CCN3: variants seen among roughly 807,000 people sequenced by gnomAD.
CCN3 encodes CCN family member 3.
A neutral mutation model predicts 33.4 loss-of-function variants in CCN3; 20 were observed. The ratio of observed to expected loss-of-function variants is 0.60; its 90% CI spans 0.42 to 0.87. CCN3 has a LOEUF of 0.87. CCN3 is among the 40% of genes least tolerant of loss of function. The pLI, the probability that CCN3 is intolerant of heterozygous loss-of-function variation, is 0.00. For synonymous variants in CCN3, 205 were observed against 170.4 expected (o/e 1.20, Z -1.58); for missense variants, 465 against 455.3 (o/e 1.02, Z -0.19).
rs112684037 is a variant in CCN3 at position 119,421,683 on chromosome 8, A to G, written c.778-1153A>G. Among the ~76,000 whole-genome samples the G allele has an allele frequency of 5.1e-4, 78 of 152,344 alleles. No individual in the cohort carries two copies. The Middle Eastern group carries it at 0.014, about 27-fold the overall frequency. ...TCATTACTAATACAATCTTGAAAAC[A>G]TTCTCCACTTTATTTGCCTCCATGC... On this transcript the variant is annotated intron_variant, in intron 4 of 4. Coordinates refer to ENST00000259526, the MANE Select transcript of CCN3 (RefSeq NM_002514.4).
chr8:119,417,918 G>A (rs1820074009), intron 2 of CCN3, 140 bp from the exon 3 acceptor site: 5 of 811,300 alleles, frequency 6.2e-6, no homozygotes, highest in South Asian at 1.7e-5. Context: ...GTAGATACAT[G>A]AGAAACCAGA....
chr8:119,418,069 G>C lies in CCN3; in HGVS notation c.322G>C (p.Asp108His). 1 of 1,613,296 alleles carries C rather than the reference G, an allele frequency of 6.2e-7. No homozygotes were observed. The highest frequency in any genetic ancestry group is 8.5e-7 in the Non-Finnish European group (1 of 1,179,240). ...QTGICTAVEG[D>H]NCVFDGVIYR... ...CCCCAATATTCTAGCGGTAGAGGGA[G>C]ATAACTGTGTGTTCGATGGGGTCAT... is the stretch of plus-strand genomic sequence containing the variant. Residue 108 changes from aspartate (D) to histidine (H), a missense_variant, in exon 3 of 5, where the codon GAT becomes CAT. Transcript: ENST00000259526.
At position 119,419,271 on chromosome 8, in the gene CCN3, T is replaced by A. The variant is rs778614892; in HGVS notation, c.703T>A (p.Cys235Ser). 2 of 1,614,080 alleles carry A rather than the reference T, an allele frequency of 1.2e-6. No homozygotes were observed. The highest frequency in any genetic ancestry group is 1.1e-5 in the South Asian group (1 of 91,090). The change falls in exon 4 of 5, where the codon TGT becomes AGT. Residue 235 changes from cysteine (C) to serine (S), a missense_variant. Coordinates refer to ENST00000259526, the MANE Select transcript of CCN3 (RefSeq NM_002514.4). ...CCGGGTCACCAATAGGAACCGTCAA[T>A]GTGAGATGCTGAAACAGACTCGGCT... ...STRVTNRNRQ[C>S]EMLKQTRLCM...
intron 4 of CCN3, among the ~76,000 whole-genome samples, chr8:119,421,541 T>C (rs998960636): frequency 2.6e-5 from 4 of 152,344 alleles, no homozygotes; most frequent in Middle Eastern, 3.4e-3. Flanking sequence ...CTGTGGGTCA[T>C]GCCTATGAAG....
chr8:119,416,488 C>T lies in CCN3; in HGVS notation c.-45C>T. The T allele has an allele frequency of 6.3e-7, 1 of 1,584,202 alleles. No homozygotes were observed. Among genetic ancestry groups the T allele is most frequent in the African/African-American group, 1.3e-5 (1 of 74,488 alleles). ...GAAGGCGAGCAGTGCCAATCTACAG[C>T]GAAGAAAGTCTCGTTTGGTAAAAGC... On this transcript the variant is annotated 5_prime_UTR_variant, in exon 1 of 5. Transcript: ENST00000259526.
In CCN3 at chr8:119,416,485, C is replaced by G. The variant is rs1820047403; in HGVS notation, c.-48C>G. ...GGGGAAGGCGAGCAGTGCCAATCTA[C>G]AGCGAAGAAAGTCTCGTTTGGTAAA... On this transcript the variant is annotated 5_prime_UTR_variant, in exon 1 of 5. Transcript: ENST00000259526. 1 of 1,579,030 alleles carries G rather than the reference C, an allele frequency of 6.3e-7. No homozygotes were observed.
chr8:119,416,620 A>T lies in CCN3; in HGVS notation c.84+4A>T. 4 of 1,613,308 alleles carry T rather than the reference A, an allele frequency of 2.5e-6. No individual in the cohort carries two copies. The highest frequency in any genetic ancestry group is 3.4e-6 in the Non-Finnish European group (4 of 1,179,676). ...GCTTCTCCATCTCCTGGGACAGGTA[A>T]GTGGCACACCCTTAAGATGCCCCCA... is the stretch of plus-strand genomic sequence containing the variant. On this transcript the variant is annotated splice_donor_region_variant and intron_variant, in intron 1 of 4. Coordinates refer to ENST00000259526, the MANE Select transcript of CCN3 (RefSeq NM_002514.4).
At chr8:119,420,437 T>C (rs1471961564) in intron 4 of CCN3, among the ~76,000 whole-genome samples, 1 of 152,122 alleles carries the variant, frequency 6.6e-6, no homozygotes, top group Non-Finnish European at 1.5e-5. Context: ...AAAATAAGAG[T>C]CCCTAGTGGT....
At chr8:119,417,606 C>T (rs1820069169) in intron 2 of CCN3, among the ~76,000 whole-genome samples, 1 of 152,290 alleles carries the variant, frequency 6.6e-6, no homozygotes, top group Non-Finnish European at 1.5e-5. Context: ...CTCTAAGCTA[C>T]TGATGATTTT....
In CCN3 at chr8:119,424,227, A is replaced by C. The variant is rs551499094; in HGVS notation, c.*1095A>C. Reference sequence around the variant, plus strand: ...CAAAATTAAATCTAGACATTCTTTTAATGCCACCACACGTGTTCCGCTTCT... The same window carrying C: ...CAAAATTAAATCTAGACATTCTTTTCATGCCACCACACGTGTTCCGCTTCT... On this transcript the variant is annotated 3_prime_UTR_variant, in exon 5 of 5. Coordinates refer to ENST00000259526, the MANE Select transcript of CCN3 (RefSeq NM_002514.4). The C allele has an allele frequency of 6.6e-6, 1 of 152,290 alleles. No homozygotes were observed. Among genetic ancestry groups the C allele is most frequent in the South Asian group, 2.1e-4 (1 of 4,830 alleles). The allele number at this position is 152,290 out of a possible 1,614,324, so 9.4% of individuals were successfully genotyped here. A position where few individuals can be genotyped will look rare whatever the true frequency, so the allele number is the denominator to read the frequency against.
chr8:119,416,596 C>T lies in CCN3; in HGVS notation c.64C>T (p.Leu22Phe), dbSNP rs1405435755. The change falls in exon 1 of 5, where the codon CTT becomes TTT. Residue 22 changes from leucine (L) to phenylalanine (F), a missense_variant. Leu to Phe is a conservative substitution (Grantham distance 22). Transcript: ENST00000259526. ...RKQCLCLTFLLLHLLGQVAAT... is the reference protein window; with the variant it reads ...RKQCLCLTFLFLHLLGQVAAT... ...GCAGTGCCTTTGCCTGACCTTCCTG[C>T]TTCTCCATCTCCTGGGACAGGTAAG... 4 of 1,613,750 alleles carry T rather than the reference C, an allele frequency of 2.5e-6. No individual in the cohort carries two copies. The highest frequency in any genetic ancestry group is 3.3e-5 in the Admixed American group (2 of 59,978).
rs1251932689 is a variant in CCN3 at position 119,422,816 on chromosome 8, A to C, written c.778-20A>C. 6.3e-7 allele frequency: 1 copy of C among 1,582,038 alleles called. No individual in the cohort carries two copies. The highest frequency in any genetic ancestry group is 8.6e-7 in the Non-Finnish European group (1 of 1,162,602). The stretch of plus-strand genomic sequence containing the variant: ...GGGAATGGTAGCCATTCAATACATC[A>C]CTTCTTTTTTCTTTCTTAGAAAGGA... On this transcript the variant is annotated intron_variant, in intron 4 of 4. Transcript: ENST00000259526.
rs762152561 is a variant in CCN3, at chr8:119,422,842, A to G, written c.784A>G (p.Lys262Glu). The G allele has an allele frequency of 1.9e-6, 3 of 1,598,230 alleles. No homozygotes were observed. The African/African-American group carries it at 4.1e-5, about 22-fold the overall frequency. Reference sequence around the variant, plus strand: ...CTTCTTTTTTCTTTCTTAGAAAGGAAAAAAGTGTCTCCGCACCAAGAAGTC... The same window carrying G: ...CTTCTTTTTTCTTTCTTAGAAAGGAGAAAAGTGTCTCCGCACCAAGAAGTC... ...EPEQPTDKKGKKCLRTKKSLK... is the reference protein window; with the variant it reads ...EPEQPTDKKGEKCLRTKKSLK... Residue 262 changes from lysine to glutamate, a missense_variant, in exon 5 of 5, where the codon AAA becomes GAA. Coordinates refer to ENST00000259526, the MANE Select transcript of CCN3 (RefSeq NM_002514.4).
intron 3 of CCN3, 114 bp downstream of exon 3, chr8:119,418,423 A>G (rs568560841): frequency 7.2e-7 from 1 of 1,382,744 alleles, no homozygotes; most frequent in Admixed American, 2.2e-5. Flanking sequence ...CTGGTCATTC[A>G]GTTGTGGGTT....
chr8:119,416,785 G>A lies in CCN3; in HGVS notation c.126G>A (p.Arg42=). 2 of 1,598,636 alleles carry A rather than the reference G, an allele frequency of 1.3e-6. No individual in the cohort carries two copies. Among genetic ancestry groups the A allele is most frequent in the Non-Finnish European group, 1.7e-6 (2 of 1,172,820 alleles). ...GCTGCCCTCCCCAGTGCCCGGGCCG[G>A]TGCCCTGCGACGCCGCCGACCTGCG... ...TQRCPPQCPG[R]CPATPPTCAP... is the part of the protein sequence containing the mutation. Residue 42 remains arginine (R), a synonymous_variant, in exon 2 of 5, where the codon CGG becomes CGA. Coordinates refer to ENST00000259526, the MANE Select transcript of CCN3 (RefSeq NM_002514.4).
At position 119,422,918 on chromosome 8, in the gene CCN3, A is replaced by G. The variant is rs1820145980; in HGVS notation, c.860A>G (p.Tyr287Cys). The change falls in exon 5 of 5, where the codon TAC (tyrosine) becomes TGC (cysteine). Residue 287 changes from tyrosine to cysteine, a missense_variant. By Grantham distance (194) the Tyr-to-Cys change is radical. Transcript: ENST00000259526. ...AAGAACTGCACCAGCCTGCACACCT[A>G]CAAGCCCAGGTTCTGTGGGGTCTGC... Reference protein sequence around the residue: ...QFKNCTSLHTYKPRFCGVCSD... With the variant: ...QFKNCTSLHTCKPRFCGVCSD... The G allele has an allele frequency of 1.2e-6, 2 of 1,614,052 alleles. No individual in the cohort carries two copies. The highest frequency in any genetic ancestry group is 1.7e-6 in the Non-Finnish European group (2 of 1,180,004).
At chr8:119,421,123 A>G (rs914646698) in intron 4 of CCN3, among the ~76,000 whole-genome samples, 3 of 144,578 alleles carry the variant, frequency 2.1e-5, no homozygotes, top group African/African-American at 7.8e-5. Context: ...GGTTCACGCT[A>G]TTCTCCTGCC....
Position 119,422,889 on chromosome 8 carries a change from G to A in CCN3, c.831G>A (p.Gln277=), listed in dbSNP as rs1820144557. 6.2e-7 allele frequency: 1 copy of A among 1,613,836 alleles called. No homozygotes were observed. Among genetic ancestry groups the A allele is most frequent in the Admixed American group, 1.7e-5 (1 of 59,994 alleles). Reference sequence around the variant, plus strand: ...AGTCACTCAAAGCCATCCACCTGCAGTTCAAGAACTGCACCAGCCTGCACA... The same window carrying A: ...AGTCACTCAAAGCCATCCACCTGCAATTCAAGAACTGCACCAGCCTGCACA... ...TKKSLKAIHL[Q]FKNCTSLHTY... The change falls in exon 5 of 5, where the codon CAG becomes CAA. Residue 277 remains glutamine, a synonymous_variant. Coordinates refer to ENST00000259526, the MANE Select transcript of CCN3 (RefSeq NM_002514.4).
In CCN3 at chr8:119,418,126, T is replaced by A; in HGVS notation, c.379T>A (p.Cys127Ser). The change falls in exon 3 of 5, where the codon TGC (cysteine) becomes AGC (serine). Residue 127 changes from cysteine (C) to serine (S), a missense_variant. Physicochemically the swap from Cys to Ser is moderately radical, Grantham distance 112. Coordinates refer to ENST00000259526, the MANE Select transcript of CCN3 (RefSeq NM_002514.4). The part of the protein sequence containing the change: ...YRSGEKFQPS[C>S]KFQCTCRDGQ... ...CAGTGGAGAGAAATTTCAGCCAAGC[T>A]GCAAATTCCAGTGCACCTGCAGAGA... is the stretch of plus-strand genomic sequence containing the variant. 6.2e-7 allele frequency: 1 copy of A among 1,614,280 alleles called. No individual in the cohort carries two copies. The highest frequency in any genetic ancestry group is 8.5e-7 in the Non-Finnish European group (1 of 1,180,046).
Sources: gnomAD v4.1 joint callset for allele counts (sites outside exome capture counted in the v4.1 genomes callset) on GRCh38, gnomAD v4.1.1 for gene constraint, MANE v1.5 for transcripts, NCBI Gene and HGNC (gene_info 2026-07-23, HGNC 2026-07-21) for gene names.